The following RBM38 variants were observed in gnomAD, a reference collection of about 807,000 sequenced individuals.
RBM38 encodes the protein RNA-binding protein 38.
A neutral mutation model predicts 23.5 loss-of-function variants in RBM38; 11 were observed. The ratio of observed to expected loss-of-function variants is 0.47; its 90% CI spans 0.29 to 0.77. The LOEUF is 0.77. Ranked by LOEUF, RBM38 falls within the 30% of genes least tolerant of loss-of-function variation. RBM38 has a pLI of 0.08. For missense variants in RBM38, 330 were observed against 351.9 expected, an observed-to-expected ratio of 0.94 and a Z score of 0.50; for synonymous variants, 165 against 166.1, an observed-to-expected ratio of 0.99 and a Z score of 0.05.
At position 57,408,433 on chromosome 20, in the gene RBM38, C is replaced by T. The variant is rs574532228; in HGVS notation, c.*587C>T. 6.5e-6 allele frequency: 1 copy of T among 153,402 alleles called. No individual in the cohort carries two copies. The highest frequency in any genetic ancestry group is 1.9e-4 in the East Asian group (1 of 5,200). 9.5% of individuals were successfully genotyped at this position (153,402 alleles called of 1,614,324 possible). On this transcript the variant is annotated 3_prime_UTR_variant, in exon 4 of 4. Transcript: ENST00000356208. ...GAGGAGCTCCCAGGCGCACAGGGGC[C>T]GCCGGTAACAGGGGCCGCCGGCCAA...
chr20:57,394,219 C>T (rs529488246), intron 3 of RBM38, among the ~76,000 whole-genome samples: 1 of 152,312 alleles, frequency 6.6e-6, no homozygotes, highest in African/African-American at 2.4e-5. Flanking sequence ...CACGCATGTG[C>T]GCACCACGTA....
intron 1 of RBM38, among the ~76,000 whole-genome samples, 183 bp downstream of exon 1, chr20:57,392,001 C>T (rs2067221858): frequency 8.6e-6 from 1 of 115,930 alleles, no homozygotes; most frequent in Non-Finnish European, 1.9e-5. Flanking sequence ...CCCCCACCAC[C>T]CCAGGCCCCG....
chr20:57,406,026 A>C (rs557431531), intron 3 of RBM38, among the ~76,000 whole-genome samples: 3 of 152,358 alleles, frequency 2.0e-5, no homozygotes, highest in African/African-American at 7.2e-5. Flanking sequence ...AAGGAAGCTG[A>C]GGTTCCAAGT....
Position 57,393,200 on chromosome 20 carries a change from G to A in RBM38, c.362-79G>A. The A allele has an allele frequency of 1.4e-6, 2 of 1,380,628 alleles. 1 individual carries two copies. Among genetic ancestry groups the A allele is most frequent in the Middle Eastern group, 3.6e-4 (2 of 5,528 alleles). The allele number at this position is 1,380,628 out of a possible 1,614,324, so 85.5% of individuals were successfully genotyped here. A position where few individuals can be genotyped will look rare whatever the true frequency, so the allele number is the denominator to read the frequency against. The stretch of plus-strand genomic sequence containing the variant: ...TTGACTAGAGGTGTGTGGCTTGTGG[G>A]ATTCTGCCACCCTGTGTGCAGCCCT... On this transcript the variant is annotated intron_variant, in intron 2 of 3. Transcript: ENST00000356208.
intron 3 of RBM38, among the ~76,000 whole-genome samples, chr20:57,394,774 C>T (rs1314204794): frequency 2.0e-5 from 3 of 152,150 alleles, no homozygotes; most frequent in Middle Eastern, 3.2e-3. Context: ...AACCTTGGCT[C>T]CATTCCCCAG....
At chr20:57,397,125 C>T (rs1214529579) in intron 3 of RBM38, among the ~76,000 whole-genome samples, 1 of 152,230 alleles carries the variant, frequency 6.6e-6, no homozygotes, top group African/African-American at 2.4e-5. Context: ...CAGGCTCCTC[C>T]CCATCTGTGA....
chr20:57,406,194 G>A (rs953343547), intron 3 of RBM38, among the ~76,000 whole-genome samples: 2 of 152,220 alleles, frequency 1.3e-5, no homozygotes, highest in Non-Finnish European at 2.9e-5. Context: ...TGTTGCAGAC[G>A]GGAAACTGAG....
Position 57,392,637 on chromosome 20 carries a change from T to C in RBM38, c.238-17T>C. The C allele has an allele frequency of 1.2e-6, 2 of 1,607,130 alleles. No homozygotes were observed. The highest frequency in any genetic ancestry group is 1.7e-6 in the Non-Finnish European group (2 of 1,177,508). On this transcript the variant is annotated splice_polypyrimidine_tract_variant and intron_variant, in intron 1 of 3. Transcript: ENST00000356208. ...GTTCCCCCCACGGCAGCCCCTGATG[T>C]GTCTCTGCTCCACCAGGTGACCATG... is the stretch of plus-strand genomic sequence containing the variant.
intron 3 of RBM38, among the ~76,000 whole-genome samples, chr20:57,405,439 G>A (rs979388985): frequency 3.9e-5 from 6 of 152,212 alleles, no homozygotes; most frequent in Non-Finnish European, 5.9e-5. Context: ...GACAGGAGGC[G>A]CCACTGCGGG....
At chr20:57,394,245 G>C (rs1365957936) in intron 3 of RBM38, among the ~76,000 whole-genome samples, 2 of 152,328 alleles carry the variant, frequency 1.3e-5, no homozygotes, top group East Asian at 3.9e-4. Context: ...CATTGAGAGA[G>C]ACACAGCTTG....
At chr20:57,399,802 C>G (rs2067309411) in intron 3 of RBM38, 1 of 445,472 alleles carries the variant, frequency 2.2e-6, no homozygotes. Flanking sequence ...GGGACCTTCC[C>G]ACACCCAGCC....
intron 2 of RBM38, 41 bp from the exon 3 acceptor site, chr20:57,393,238 C>G (rs1201931855): frequency 2.5e-6 from 4 of 1,598,706 alleles, no homozygotes; most frequent in East Asian, 4.5e-5. Flanking sequence ...AGACGTGGCT[C>G]GTGCAGCAAG....
At chr20:57,393,075 G>A in intron 2 of RBM38, 1 of 645,082 alleles carries the variant, frequency 1.6e-6, no homozygotes, top group East Asian at 2.7e-5. Flanking sequence ...CGACACCAGT[G>A]GCTGCTGACA....
intron 3 of RBM38, among the ~76,000 whole-genome samples, chr20:57,396,441 C>T (rs916029433): frequency 1.3e-5 from 2 of 152,122 alleles, no homozygotes; most frequent in African/African-American, 2.4e-5. Context: ...GGAACGGTGC[C>T]CTGTGTCAAG....
At chr20:57,404,434 C>G (rs895814802) in intron 3 of RBM38, among the ~76,000 whole-genome samples, 1 of 152,380 alleles carries the variant, frequency 6.6e-6, no homozygotes, top group African/African-American at 2.4e-5. Flanking sequence ...TAGCCTCCTA[C>G]TAAGGAATGT....
chr20:57,401,727 G>A (rs1050374903), intron 3 of RBM38, among the ~76,000 whole-genome samples: 1 of 152,232 alleles, frequency 6.6e-6, no homozygotes, highest in South Asian at 2.1e-4. Context: ...GCATAGGTGC[G>A]AAGGTCCTGT....
In RBM38 at chr20:57,407,841, C is replaced by T; in HGVS notation, c.715C>T (p.Gln239Ter). 2 of 1,561,172 alleles carry T rather than the reference C, an allele frequency of 1.3e-6. No individual in the cohort carries two copies. The highest frequency in any genetic ancestry group is 1.9e-5 in the Admixed American group (1 of 53,196). ...GCCGCAGCTGCAGCCTGACAGGATG[C>T]AGTGAGGGGCGTTCCTGCCCCGAGG... ...QAPQLQPDRM[Q>*] The change falls in exon 4 of 4, where the codon CAG becomes TAG. Residue 239 changes from glutamine (Q) to a stop codon, truncating the protein, a stop_gained. Transcript: ENST00000356208. LOFTEE classifies it high-confidence loss of function. This position sits in a 1 kb window ranked among gnomAD's most constrained non-coding sequence, Gnocchi z 4.0.
chr20:57,398,970 T>C (rs985516145), intron 3 of RBM38, among the ~76,000 whole-genome samples: 10 of 152,232 alleles, frequency 6.6e-5, no homozygotes, highest in Non-Finnish European at 1.2e-4. Context: ...GGTCAGCTTG[T>C]CTGACAGATC....
rs3764723 is a variant in RBM38, at chr20:57,406,289, C to T, written c.417-1254C>T. 6.6e-3 allele frequency among the ~76,000 whole-genome samples: 1,012 copies of T among 152,304 alleles called. 14 individuals carry two copies. The highest frequency in any genetic ancestry group is 0.018 in the African/African-American group (750 of 41,574). On this transcript the variant is annotated intron_variant, in intron 3 of 3. Coordinates refer to ENST00000356208, the MANE Select transcript of RBM38 (RefSeq NM_017495.6). ...AGAGCTGCCTCCCTGAGCCTCATTT[C>T]CCCCTGTGCTGAGGGCTGGGCATGC... is the stretch of plus-strand genomic sequence containing the variant.
Sources: gnomAD v4.1 joint callset for allele counts (sites outside exome capture counted in the v4.1 genomes callset) on GRCh38, gnomAD v4.1.1 for gene constraint, Gnocchi (gnomAD v3.1) non-coding constraint, MANE v1.5 for transcripts, NCBI Gene and HGNC (gene_info 2026-07-23, HGNC 2026-07-21) for gene names.